The following LRRC4C variants were observed in gnomAD, a reference collection of about 807,000 sequenced individuals.
LRRC4C encodes the protein leucine rich repeat containing 4C, also known as leucine-rich repeat-containing protein 4C.
In LRRC4C, 5 loss-of-function variants were observed where a neutral mutation model predicts 33.6. The ratio of observed to expected loss-of-function variants is 0.15; its 90% confidence interval spans 0.08 to 0.31. The LOEUF (loss-of-function observed/expected upper bound fraction) is 0.31. LRRC4C is among the 10% of genes least tolerant of loss of function. LRRC4C has a pLI of 1.00. For missense variants in LRRC4C, 560 were observed against 796.7 expected, an observed-to-expected ratio of 0.70 and a Z score of 3.58; for synonymous variants, 329 against 302.0, an observed-to-expected ratio of 1.09 and a Z score of -0.93.
intron 2 of LRRC4C, among the ~76,000 whole-genome samples, chr11:40,742,264 A>C (rs369515063): frequency 9.9e-5 from 15 of 152,056 alleles, no homozygotes; most frequent in African/African-American, 2.7e-4. Context: ...TTAGATGCAA[A>C]GGAGACTTTT....
chr11:40,322,274 C>A (rs1422361387), intron 3 of LRRC4C, among the ~76,000 whole-genome samples: 2 of 151,856 alleles, frequency 1.3e-5, no homozygotes, highest in African/African-American at 4.8e-5. Context: ...GAGACAGAGT[C>A]TTACTCTGTC....
At chr11:41,107,057 G>A (rs1048258014) in intron 1 of LRRC4C, among the ~76,000 whole-genome samples, 16 of 61,050 alleles carry the variant, frequency 2.6e-4, no homozygotes, top group Non-Finnish European at 4.8e-4. Flanking sequence ...TTTAGGTTTT[G>A]ATTTTTTTTT....
chr11:40,487,676 C>T (rs2138475069), intron 3 of LRRC4C, among the ~76,000 whole-genome samples: 1 of 152,036 alleles, frequency 6.6e-6, no homozygotes, highest in East Asian at 1.9e-4. Flanking sequence ...AAAAATAGAG[C>T]TCATTTAAAA....
rs71466927 is a variant in LRRC4C, at chr11:41,325,566, GTT to G, written c.-496+133863_-496+133864del. Among the ~76,000 whole-genome samples, 1,031 of 106,538 alleles carry G rather than the reference GTT, an allele frequency of 9.7e-3. 9 individuals carry two copies. Among genetic ancestry groups the G allele is most frequent in the Non-Finnish European group, 0.011 (578 of 53,900 alleles). The allele number at this position is 106,538 out of a possible 152,430, so 69.9% of individuals were successfully genotyped here. ...ATAAGGAAAAATTATTGTCCTTATA[GTT>G]TTTTTTTTTTGTGTGTGTGTGTGTG... On this transcript the variant is annotated intron_variant, in intron 1 of 6. Coordinates refer to ENST00000528697, the MANE Select transcript of LRRC4C (RefSeq NM_001258419.2).
intron 2 of LRRC4C, among the ~76,000 whole-genome samples, chr11:40,659,086 C>T (rs1414052258): frequency 6.6e-6 from 1 of 152,202 alleles, no homozygotes; most frequent in East Asian, 1.9e-4. Flanking sequence ...CCAGGAAGCC[C>T]CTACATCCAT....
chr11:41,229,581 G>A (rs559747387), intron 1 of LRRC4C, among the ~76,000 whole-genome samples: 13 of 152,016 alleles, frequency 8.6e-5, no homozygotes, highest in Admixed American at 3.9e-4. Context: ...ATACAAATTC[G>A]GAACTCACAA....
intron 3 of LRRC4C, among the ~76,000 whole-genome samples, chr11:40,337,485 C>G (rs945706121): frequency 1.3e-5 from 2 of 152,128 alleles, no homozygotes; most frequent in Non-Finnish European, 2.9e-5. Context: ...AGTGTTTTTG[C>G]TCCCTAGAAC....
chr11:41,102,896 G>C (rs1423032477), intron 1 of LRRC4C, among the ~76,000 whole-genome samples: 1 of 151,938 alleles, frequency 6.6e-6, no homozygotes, highest in Non-Finnish European at 1.5e-5. Flanking sequence ...ACTTTTTTAA[G>C]TATGTGAAAA....
chr11:40,920,946 G>C (rs184623068), intron 2 of LRRC4C, among the ~76,000 whole-genome samples: 209 of 150,428 alleles, frequency 1.4e-3, no homozygotes, highest in African/African-American at 4.8e-3. Flanking sequence ...TTTGAGATAG[G>C]GTCTTGCTCT....
chr11:41,380,383 G>A (rs903363797), intron 1 of LRRC4C, among the ~76,000 whole-genome samples: 1 of 151,914 alleles, frequency 6.6e-6, no homozygotes, highest in Non-Finnish European at 1.5e-5. Context: ...GTCTCATTTT[G>A]TATTCTTGTG....
intron 1 of LRRC4C, among the ~76,000 whole-genome samples, chr11:40,954,408 C>T (rs1451898101): frequency 2.6e-5 from 4 of 151,768 alleles, no homozygotes; most frequent in Admixed American, 2.6e-4. Context: ...TTGGAAATCC[C>T]TATGAATCAG....
At chr11:41,326,982 G>T (rs1022255666) in intron 1 of LRRC4C, among the ~76,000 whole-genome samples, 4 of 152,032 alleles carry the variant, frequency 2.6e-5, no homozygotes, top group African/African-American at 9.7e-5. Flanking sequence ...ATGTATCTAG[G>T]GCAAGAAACC....
At chr11:40,945,067 G>A (rs1363227304) in intron 1 of LRRC4C, among the ~76,000 whole-genome samples, 1 of 129,030 alleles carries the variant, frequency 7.8e-6, no homozygotes, top group South Asian at 2.4e-4. Context: ...TTGCTTTGTC[G>A]CCCGGGCTGG....
intron 2 of LRRC4C, among the ~76,000 whole-genome samples, chr11:40,882,605 C>A (rs1378208932): frequency 6.6e-6 from 1 of 151,948 alleles, no homozygotes; most frequent in South Asian, 2.1e-4. Flanking sequence ...CTAGTGATGT[C>A]CTACTTATCT....
At chr11:40,857,158 AT>A (rs1953829474) in intron 2 of LRRC4C, among the ~76,000 whole-genome samples, 1 of 152,226 alleles carries the variant, frequency 6.6e-6, no homozygotes, top group Non-Finnish European at 1.5e-5. Flanking sequence ...ATGGAATAAA[AT>A]AATTTTACAC....
intron 2 of LRRC4C, among the ~76,000 whole-genome samples, chr11:40,886,845 C>T (rs1955483011): frequency 6.6e-6 from 1 of 151,382 alleles, no homozygotes; most frequent in Non-Finnish European, 1.5e-5. Flanking sequence ...CTTCAAAGTA[C>T]AAATATACAA....
chr11:41,415,365 A>G (rs191211277), intron 1 of LRRC4C, among the ~76,000 whole-genome samples: 1 of 152,208 alleles, frequency 6.6e-6, no homozygotes, highest in Admixed American at 6.6e-5. Flanking sequence ...ATAGTAAACT[A>G]ATTTCCAAAG....
intron 3 of LRRC4C, among the ~76,000 whole-genome samples, chr11:40,578,281 C>T (rs1200380523): frequency 1.3e-5 from 2 of 150,274 alleles, no homozygotes; most frequent in South Asian, 4.3e-4. Context: ...AGCCCTAACA[C>T]GCAGGGAAAA....
intron 3 of LRRC4C, among the ~76,000 whole-genome samples, chr11:40,575,470 C>T (rs933914869): frequency 2.4e-4 from 37 of 151,778 alleles, no homozygotes; most frequent in African/African-American, 5.8e-4. Context: ...TAAAATCTCA[C>T]GGAAACTGGG....
Sources: gnomAD v4.1 joint callset for allele counts (sites outside exome capture counted in the v4.1 genomes callset) on GRCh38, gnomAD v4.1.1 for gene constraint, MANE v1.5 for transcripts, NCBI Gene and HGNC (gene_info 2026-07-23, HGNC 2026-07-21) for gene names.